Variants in MAGI2 observed in about 807,000 individuals in gnomAD.
MAGI2 encodes membrane associated guanylate kinase, WW and PDZ domain containing 2, also known as membrane-associated guanylate kinase, WW and PDZ domain-containing protein 2.
A neutral mutation model predicts 133.3 loss-of-function variants in MAGI2; 35 were observed. That is an observed-to-expected ratio of 0.26 (90% confidence interval 0.20 to 0.35). MAGI2 has a LOEUF of 0.35. Among genes scored for constraint, MAGI2 ranks in the 10% least tolerant of loss-of-function variants. The pLI, the probability that MAGI2 is intolerant of heterozygous loss-of-function variation, is 1.00. For missense variants in MAGI2, 1,636 were observed against 1,863.4 expected (o/e 0.88, Z 2.25); for synonymous variants, 729 against 710.6 (o/e 1.03, Z -0.41).
intron 1 of MAGI2, among the ~76,000 whole-genome samples, chr7:79,439,415 C>T (rs1319695172): frequency 6.6e-6 from 1 of 152,094 alleles, no homozygotes; most frequent in African/African-American, 2.4e-5. Flanking sequence ...AGACTTGGAG[C>T]TCAAATCCAA....
intron 2 of MAGI2, among the ~76,000 whole-genome samples, chr7:78,656,075 C>T (rs1257661535): frequency 4.7e-5 from 7 of 150,160 alleles, no homozygotes; most frequent in Non-Finnish European, 8.9e-5. Flanking sequence ...TTAAACTATA[C>T]ATCAAAACAC....
At chr7:78,624,661 A>G (rs897719781) in intron 3 of MAGI2, among the ~76,000 whole-genome samples, 9 of 152,072 alleles carry the variant, frequency 5.9e-5, no homozygotes, top group Non-Finnish European at 8.8e-5. Flanking sequence ...TGCTGAGAAG[A>G]GGGAGAGCAT....
chr7:79,284,877 A>G (rs1835891872), intron 1 of MAGI2, among the ~76,000 whole-genome samples: 1 of 152,092 alleles, frequency 6.6e-6, no homozygotes, highest in Non-Finnish European at 1.5e-5. Context: ...TTACTTTAGT[A>G]TCTGCACTTC....
intron 2 of MAGI2, among the ~76,000 whole-genome samples, chr7:78,978,187 G>A (rs958358658): frequency 1.3e-5 from 2 of 151,710 alleles, no homozygotes; most frequent in Non-Finnish European, 2.9e-5. Flanking sequence ...CAATTGACTC[G>A]AAAACTTATG....
At chr7:78,820,954 T>C (rs989168145) in intron 2 of MAGI2, among the ~76,000 whole-genome samples, 7 of 152,044 alleles carry the variant, frequency 4.6e-5, no homozygotes, top group African/African-American at 1.4e-4. Flanking sequence ...GGATACAACA[T>C]GTCATTTATT....
At chr7:78,603,897 G>A (rs1043444489) in intron 3 of MAGI2, among the ~76,000 whole-genome samples, 16 of 152,116 alleles carry the variant, frequency 1.1e-4, no homozygotes, top group African/African-American at 3.6e-4. Flanking sequence ...AACATTTGTT[G>A]AACACCTACT....
At chr7:78,857,414 T>G (rs1793750830) in intron 2 of MAGI2, among the ~76,000 whole-genome samples, 1 of 152,204 alleles carries the variant, frequency 6.6e-6, no homozygotes, top group Non-Finnish European at 1.5e-5. Context: ...CTTACTATTT[T>G]GAGATACTTC....
intron 2 of MAGI2, among the ~76,000 whole-genome samples, chr7:78,965,591 T>G (rs1340603185): frequency 6.6e-6 from 1 of 152,052 alleles, no homozygotes; most frequent in Non-Finnish European, 1.5e-5. Flanking sequence ...GGAAATCAGA[T>G]TATTTTATCT....
At chr7:79,279,151 G>T (rs1162101069) in intron 1 of MAGI2, among the ~76,000 whole-genome samples, 1 of 152,014 alleles carries the variant, frequency 6.6e-6, no homozygotes, top group Admixed American at 6.6e-5. Context: ...TTTGAAGCGT[G>T]GTTCTTTGGC....
intron 14 of MAGI2, among the ~76,000 whole-genome samples, chr7:78,169,782 C>A (rs1194481473): frequency 3.9e-5 from 6 of 152,234 alleles, no homozygotes; most frequent in African/African-American, 1.4e-4. Flanking sequence ...CTTAGACTGG[C>A]TGCACAGTGC....
chr7:78,549,897 C>T (rs1167617022), intron 3 of MAGI2, among the ~76,000 whole-genome samples: 2 of 152,076 alleles, frequency 1.3e-5, no homozygotes, highest in Non-Finnish European at 2.9e-5. Context: ...AGAGTTTCAC[C>T]CTTAACTTCT....
chr7:79,388,815 A>G (rs982849359), intron 1 of MAGI2, among the ~76,000 whole-genome samples: 2 of 150,694 alleles, frequency 1.3e-5, no homozygotes, highest in African/African-American at 2.4e-5. Flanking sequence ...ATCAGACTCA[A>G]CTTTATGAAC....
intron 9 of MAGI2, among the ~76,000 whole-genome samples, chr7:78,286,787 CAGAG>C (rs1265843047): frequency 6.6e-6 from 1 of 152,056 alleles, no homozygotes; most frequent in South Asian, 2.1e-4. Context: ...TTCATGGTCT[CAGAG>C]AGAAATAAAA....
At chr7:78,735,121 C>T (rs1388585503) in intron 2 of MAGI2, among the ~76,000 whole-genome samples, 1 of 152,152 alleles carries the variant, frequency 6.6e-6, no homozygotes, top group African/African-American at 2.4e-5. Flanking sequence ...AAATTATTGA[C>T]AAATTCTTAT....
intron 2 of MAGI2, among the ~76,000 whole-genome samples, chr7:78,684,459 AAC>A (rs1451772836): frequency 5.3e-5 from 8 of 152,280 alleles, no homozygotes; most frequent in Admixed American, 5.2e-4. Context: ...TTTGATCTCT[AAC>A]ACAGACCCAA....
chr7:79,081,188 G>A (rs1195134026), intron 1 of MAGI2, among the ~76,000 whole-genome samples: 1 of 152,010 alleles, frequency 6.6e-6, no homozygotes, highest in Non-Finnish European at 1.5e-5. Context: ...GGGGCCACCA[G>A]CCTGGGACAC....
intron 1 of MAGI2, chr7:79,415,781 T>C (rs1211857084): frequency 1.3e-5 from 2 of 152,164 alleles, no homozygotes; most frequent in African/African-American, 2.4e-5. Context: ...TCCCTCACCA[T>C]TGGGTCTGAA....
At chr7:79,204,320 T>C (rs936902641) in intron 1 of MAGI2, among the ~76,000 whole-genome samples, 99 of 152,160 alleles carry the variant, frequency 6.5e-4, no homozygotes, top group Non-Finnish European at 4.6e-4. Flanking sequence ...TTAGTGGCCC[T>C]GGGCTCAGGA....
intron 2 of MAGI2, among the ~76,000 whole-genome samples, chr7:78,688,074 A>G (rs930831831): frequency 2.0e-5 from 3 of 151,832 alleles, no homozygotes; most frequent in African/African-American, 4.9e-5. Flanking sequence ...ACTGACAAAA[A>G]TAATGTGTTA....
Sources: gnomAD v4.1 joint callset for allele counts (sites outside exome capture counted in the v4.1 genomes callset) on GRCh38, gnomAD v4.1.1 for gene constraint, MANE v1.5 for transcripts, NCBI Gene and HGNC (gene_info 2026-07-23, HGNC 2026-07-21) for gene names.